Variants in TMEM38B observed in about 807,000 individuals in gnomAD.
TMEM38B encodes the protein trimeric intracellular cation channel type B.
In TMEM38B, 24 loss-of-function variants were observed where a neutral mutation model predicts 28.7. That is an observed-to-expected ratio of 0.84 (90% CI 0.61 to 1.18). The LOEUF (loss-of-function observed/expected upper bound fraction) is 1.18, where lower values mean the gene tolerates loss of function less well. Among genes scored for constraint, TMEM38B ranks in the 50% most tolerant of loss-of-function variants. The pLI is 0.00. For synonymous variants in TMEM38B, 131 were observed against 127.7 expected (o/e 1.03, Z -0.17); for missense variants, 380 against 350.9 (o/e 1.08, Z -0.66).
intron 5 of TMEM38B, chr9:105,758,859 A>G: frequency 1.0e-6 from 1 of 1,001,940 alleles, no homozygotes; most frequent in Non-Finnish European, 1.6e-6. Context: ...AGTTGATAAT[A>G]GAAAACTAAG....
At chr9:105,703,081 T>C (rs1588385741) in intron 1 of TMEM38B, among the ~76,000 whole-genome samples, 1 of 152,370 alleles carries the variant, frequency 6.6e-6, no homozygotes, top group Admixed American at 6.5e-5. Context: ...CAAATGTTGC[T>C]AAGAATTTTG....
intron 5 of TMEM38B, among the ~76,000 whole-genome samples, chr9:105,762,293 C>T (rs1838084594): frequency 6.6e-6 from 1 of 151,332 alleles, no homozygotes; most frequent in Non-Finnish European, 1.5e-5. Flanking sequence ...TTTTAGGGTA[C>T]ATGTGCACAA....
At position 105,771,821 on chromosome 9, in the gene TMEM38B, A is replaced by G. The variant is rs187700838; in HGVS notation, c.661-2044A>G. On this transcript the variant is annotated intron_variant, in intron 5 of 5. Coordinates refer to ENST00000374692, the MANE Select transcript of TMEM38B (RefSeq NM_018112.3). The stretch of plus-strand genomic sequence containing the variant: ...TATGATAAATGACTTCCAGATCTAT[A>G]TCTATTATTTAAATGTTCCTGGGAA... Among the ~76,000 whole-genome samples the G allele has an allele frequency of 2.6e-5, 4 of 152,248 alleles. No homozygotes were observed. The East Asian group carries it at 7.7e-4, about 29-fold the overall frequency.
At chr9:105,753,291 C>T (rs765080024) in intron 5 of TMEM38B, among the ~76,000 whole-genome samples, 2 of 152,254 alleles carry the variant, frequency 1.3e-5, no homozygotes, top group Non-Finnish European at 2.9e-5. Flanking sequence ...GACAAGCCAA[C>T]ATTCAAGTTC....
At chr9:105,763,291 G>T (rs934348974) in intron 5 of TMEM38B, among the ~76,000 whole-genome samples, 26 of 152,190 alleles carry the variant, frequency 1.7e-4, no homozygotes, top group South Asian at 1.5e-3. Flanking sequence ...TTTTGGCTTT[G>T]GTTGCCATTG....
rs753689808 is a variant in TMEM38B at position 105,773,916 on chromosome 9, G to T, written c.712G>T (p.Asp238Tyr). 2.5e-6 allele frequency: 4 copies of T among 1,613,528 alleles called. No individual in the cohort carries two copies. Among genetic ancestry groups the T allele is most frequent in the Non-Finnish European group, 3.4e-6 (4 of 1,179,740 alleles). Reference sequence around the variant, plus strand: ...TACTATGACATTTGCTCCTTTTGAGGATACATTGAGTTGGATGCTATTTGG... The same window carrying T: ...TACTATGACATTTGCTCCTTTTGAGTATACATTGAGTTGGATGCTATTTGG... The part of the protein sequence containing the change: ...TSTMTFAPFE[D>Y]TLSWMLFGWQ... The change falls in exon 6 of 6, where the codon GAT (aspartate) becomes TAT (tyrosine). Residue 238 changes from aspartate (D) to tyrosine (Y), a missense_variant. Physicochemically the swap from Asp to Tyr is radical, Grantham distance 160. Transcript: ENST00000374692.
intron 4 of TMEM38B, among the ~76,000 whole-genome samples, chr9:105,738,413 A>C (rs952288397): frequency 3.3e-5 from 5 of 151,858 alleles, no homozygotes; most frequent in South Asian, 2.1e-4. Flanking sequence ...TTTGTGCTCT[A>C]TATATAGAGT....
chr9:105,750,167 T>C lies in TMEM38B; in HGVS notation c.660+1977T>C, dbSNP rs974728821. ...TTGGGAAAATATCTAGTCAGATCAT[T>C]TGCCCATTTTCAATTTATATTTTGT... On this transcript the variant is annotated intron_variant, in intron 5 of 5. Transcript: ENST00000374692. Among the ~76,000 whole-genome samples the C allele has an allele frequency of 9.9e-5, 15 of 152,236 alleles. 2 individuals are homozygous for C. The highest frequency in any genetic ancestry group is 9.2e-4 in the Admixed American group (14 of 15,274).
At position 105,745,509 on chromosome 9, in the gene TMEM38B, T is replaced by G. The variant is rs1837354591; in HGVS notation, c.543-2564T>G. On this transcript the variant is annotated intron_variant, in intron 4 of 5. Transcript: ENST00000374692. ...TTAGCCCTTTGACAGATAAGTAGAT[T>G]GCAAACATTTTCTCCCATTCTGTAG... is the stretch of plus-strand genomic sequence containing the variant. Among the ~76,000 whole-genome samples, 7 of 152,346 alleles carry G rather than the reference T, an allele frequency of 4.6e-5. No homozygotes were observed. The South Asian group carries it at 1.4e-3, about 32-fold the overall frequency.
At chr9:105,758,274 A>G (rs1420814190) in intron 5 of TMEM38B, 4 of 676,680 alleles carry the variant, frequency 5.9e-6, no homozygotes, top group Non-Finnish European at 8.0e-6. Flanking sequence ...ACTGAGGCTC[A>G]CAGACGTTAA....
chr9:105,738,213 TGA>T (rs1837055308), intron 4 of TMEM38B, among the ~76,000 whole-genome samples: 1 of 151,920 alleles, frequency 6.6e-6, no homozygotes, highest in Non-Finnish European at 1.5e-5. Flanking sequence ...TCAGTACCTA[TGA>T]GGTCTGCAGA....
chr9:105,744,282 T>TA (rs1337982937), intron 4 of TMEM38B, among the ~76,000 whole-genome samples: 1 of 151,902 alleles, frequency 6.6e-6, no homozygotes, highest in Non-Finnish European at 1.5e-5. Context: ...TTTATAGGAG[T>TA]AAAAAATGAG....
chr9:105,751,952 T>C lies in TMEM38B; in HGVS notation c.660+3762T>C, dbSNP rs1837669837. Among the ~76,000 whole-genome samples, 3 of 151,366 alleles carry C rather than the reference T, an allele frequency of 2.0e-5. No homozygotes were observed. In the South Asian group the frequency reaches 6.3e-4, roughly 32 times the overall value. ...GGGACGTAGCTCTCAGGGGGAGGAG[T>C]GGCCGCCATTTTTGTGGTTTGGTAG... On this transcript the variant is annotated intron_variant, in intron 5 of 5. Transcript: ENST00000374692.
chr9:105,726,437 A>G (rs1836516050), intron 4 of TMEM38B, among the ~76,000 whole-genome samples: 1 of 152,130 alleles, frequency 6.6e-6, no homozygotes, highest in Non-Finnish European at 1.5e-5. Context: ...AGACATAAAC[A>G]CACACATTAG....
At chr9:105,760,750 TACTA>T in intron 5 of TMEM38B, 1 of 1,135,866 alleles carries the variant, frequency 8.8e-7, no homozygotes, top group Non-Finnish European at 1.3e-6. Flanking sequence ...TAGTCTAAGA[TACTA>T]ACTGAATTAA....
At chr9:105,760,322 G>C in intron 5 of TMEM38B, 1 of 776,214 alleles carries the variant, frequency 1.3e-6, no homozygotes, top group Non-Finnish European at 2.4e-6. Context: ...CTTCTGGCTG[G>C]AAGATTAGTT....
At chr9:105,760,075 C>T (rs117567218) in intron 5 of TMEM38B, 11,736 of 1,064,904 alleles carry the variant, frequency 0.011, 103 homozygotes, top group Non-Finnish European at 0.014. Flanking sequence ...GACTGGTACA[C>T]GAAGTTTGCT....
chr9:105,706,661 A>G (rs1161906415), intron 2 of TMEM38B, among the ~76,000 whole-genome samples: 1 of 152,018 alleles, frequency 6.6e-6, no homozygotes, highest in Non-Finnish European at 1.5e-5. Context: ...AAGGGAAAGG[A>G]GTAACAATAA....
chr9:105,729,033 C>T (rs571866181), intron 4 of TMEM38B, among the ~76,000 whole-genome samples: 1 of 152,252 alleles, frequency 6.6e-6, no homozygotes, highest in South Asian at 2.1e-4. Context: ...TGTAGGTTGC[C>T]TGTTCACTCT....
Sources: gnomAD v4.1 joint callset for allele counts (sites outside exome capture counted in the v4.1 genomes callset) on GRCh38, gnomAD v4.1.1 for gene constraint, MANE v1.5 for transcripts, NCBI Gene and HGNC (gene_info 2026-07-23, HGNC 2026-07-21) for gene names.